GRIK4: variants seen among roughly 807,000 people sequenced by gnomAD.
The protein encoded by GRIK4 is glutamate receptor ionotropic, kainate 4.
GRIK4 carries 40 observed loss-of-function variants against 104.9 expected under a neutral mutation model. The observed-to-expected ratio is 0.38, with a 90% CI of 0.30 to 0.50. GRIK4 has a LOEUF of 0.50. Among genes scored for constraint, GRIK4 ranks in the 20% least tolerant of loss-of-function variants. The pLI is 0.93. For missense variants in GRIK4, 1,047 were observed against 1,308.1 expected, an observed-to-expected ratio of 0.80 and a Z score of 3.08; for synonymous variants, 485 against 524.9, an observed-to-expected ratio of 0.92 and a Z score of 1.04.
intron 3 of GRIK4, among the ~76,000 whole-genome samples, chr11:120,742,389 A>G (rs1053468695): frequency 1.3e-5 from 2 of 151,910 alleles, no homozygotes; most frequent in African/African-American, 4.8e-5. Flanking sequence ...GGACACTTCA[A>G]AAGAAGATAT....
At chr11:120,616,334 G>A (rs1023793224) in intron 1 of GRIK4, among the ~76,000 whole-genome samples, 24 of 152,310 alleles carry the variant, frequency 1.6e-4, no homozygotes, top group African/African-American at 5.3e-4. Flanking sequence ...TAAGAGATCC[G>A]CAGGTGCACC....
intron 1 of GRIK4, among the ~76,000 whole-genome samples, chr11:120,518,063 G>A (rs1947752454): frequency 6.6e-6 from 1 of 152,198 alleles, no homozygotes; most frequent in African/African-American, 2.4e-5. Context: ...CCAGCCTGGG[G>A]AGGCTGCTGA....
At chr11:120,611,012 CAGGAAACCA>C (rs1386458677) in intron 1 of GRIK4, among the ~76,000 whole-genome samples, 4 of 152,140 alleles carry the variant, frequency 2.6e-5, no homozygotes, top group African/African-American at 9.7e-5. Context: ...TCGTTTTCAA[CAGGAAACCA>C]AGGCCCAGTG....
intron 6 of GRIK4, among the ~76,000 whole-genome samples, chr11:120,822,063 T>C (rs1043465098): frequency 2.0e-5 from 3 of 151,698 alleles, no homozygotes; most frequent in African/African-American, 7.3e-5. Context: ...ATGTAAAAAT[T>C]AGACGGGTGT....
chr11:120,594,025 G>C (rs545382010), intron 1 of GRIK4, among the ~76,000 whole-genome samples: 5 of 152,304 alleles, frequency 3.3e-5, no homozygotes, highest in African/African-American at 7.2e-5. Flanking sequence ...TCTGACCTAA[G>C]ACAGTAGCCT....
intron 1 of GRIK4, chr11:120,620,122 T>A: frequency 1.3e-6 from 1 of 793,562 alleles, no homozygotes; most frequent in South Asian, 1.4e-5. Context: ...AAAATTGACC[T>A]GGGCCACTCA....
chr11:120,740,768 C>G (rs1280160743), intron 3 of GRIK4, among the ~76,000 whole-genome samples: 1 of 152,166 alleles, frequency 6.6e-6, no homozygotes, highest in Admixed American at 6.5e-5. Flanking sequence ...CCGTGAGTGC[C>G]TCAGTTAGTG....
intron 3 of GRIK4, among the ~76,000 whole-genome samples, chr11:120,707,394 A>G (rs1466574412): frequency 2.0e-5 from 3 of 152,182 alleles, no homozygotes; most frequent in African/African-American, 4.8e-5. Flanking sequence ...GGTAAAATCA[A>G]TTCTGAACTC....
chr11:120,792,605 T>A lies in GRIK4; in HGVS notation c.83-10088T>A, dbSNP rs553842951. 2.6e-5 allele frequency among the ~76,000 whole-genome samples: 4 copies of A among 152,126 alleles called. No individual in the cohort carries two copies. The South Asian group carries it at 8.3e-4, about 32-fold the overall frequency. On this transcript the variant is annotated intron_variant, in intron 3 of 20. Coordinates refer to ENST00000527524, the MANE Select transcript of GRIK4 (RefSeq NM_014619.5). ...TAAGACTGGAAAGAAGTGGACTGGTTTGAGAAATTTTGAGGAAGTACAACC... is the reference window on the plus strand; with the variant it reads ...TAAGACTGGAAAGAAGTGGACTGGTATGAGAAATTTTGAGGAAGTACAACC...
chr11:120,562,880 A>G (rs1948257405), intron 1 of GRIK4, among the ~76,000 whole-genome samples: 1 of 152,202 alleles, frequency 6.6e-6, no homozygotes, highest in South Asian at 2.1e-4. Flanking sequence ...GGGAGGAGCC[A>G]GGTCAGGGGA....
chr11:120,880,065 A>G (rs1954924440), intron 11 of GRIK4, among the ~76,000 whole-genome samples: 1 of 152,182 alleles, frequency 6.6e-6, no homozygotes, highest in Non-Finnish European at 1.5e-5. Flanking sequence ...TAAGCCTTTG[A>G]GGTTTGCTAT....
rs777086986 is a variant in GRIK4, at chr11:120,952,897, C to T, written c.1633C>T (p.Pro545Ser). 4 of 1,613,956 alleles carry T rather than the reference C, an allele frequency of 2.5e-6. No homozygotes were observed. Among genetic ancestry groups the T allele is most frequent in the Admixed American group, 1.7e-5 (1 of 60,004 alleles). The change falls in exon 15 of 21, where the codon CCG (proline) becomes TCG (serine). Residue 545 changes from proline (P) to serine (S), a missense_variant. Physicochemically the swap from Pro to Ser is moderately conservative, Grantham distance 74 (BLOSUM62 -1). Coordinates refer to ENST00000527524, the MANE Select transcript of GRIK4 (RefSeq NM_014619.5). The surrounding 1 kb of genome is among the most constrained non-coding windows in gnomAD (Gnocchi z 5.2). ...GYFSFLDPFS[P>S]GVWLFMLLAY... ...TTTCTCCTTCCTGGACCCATTTTCT[C>T]CGGGCGTCTGGCTCTTCATGCTTCT...
At chr11:120,677,235 G>A (rs1214210742) in intron 3 of GRIK4, among the ~76,000 whole-genome samples, 2 of 152,202 alleles carry the variant, frequency 1.3e-5, no homozygotes, top group African/African-American at 2.4e-5. Flanking sequence ...CACTAAAGGA[G>A]TAGCCTGAGA....
intron 3 of GRIK4, among the ~76,000 whole-genome samples, chr11:120,720,622 A>G (rs1950915132): frequency 6.6e-6 from 1 of 152,158 alleles, no homozygotes; most frequent in African/African-American, 2.4e-5. Context: ...GTAGTTGGAG[A>G]TCAGAGAAAT....
chr11:120,981,318 A>G (rs1944648358), intron 19 of GRIK4, among the ~76,000 whole-genome samples: 1 of 152,358 alleles, frequency 6.6e-6, no homozygotes, highest in South Asian at 2.1e-4. Flanking sequence ...ATGCTTTGCA[A>G]TGAGGACATG....
At chr11:120,904,007 C>T (rs1012314855) in intron 12 of GRIK4, among the ~76,000 whole-genome samples, 6 of 152,202 alleles carry the variant, frequency 3.9e-5, no homozygotes, top group Non-Finnish European at 7.3e-5. Context: ...GATTTTCAGC[C>T]TTCCTGGCTG....
chr11:120,922,256 C>CG (rs1943242251), intron 13 of GRIK4, among the ~76,000 whole-genome samples: 1 of 152,224 alleles, frequency 6.6e-6, no homozygotes, highest in Admixed American at 6.5e-5. Context: ...GGTCAACTAA[C>CG]TTGTTCAAGA....
chr11:120,976,886 T>G (rs1169404583), intron 19 of GRIK4, among the ~76,000 whole-genome samples: 16 of 152,028 alleles, frequency 1.1e-4, no homozygotes, highest in Non-Finnish European at 4.4e-5. Context: ...CAGTGGTTCG[T>G]GGAGATATGT....
chr11:120,545,903 T>G (rs1948081286), intron 1 of GRIK4, among the ~76,000 whole-genome samples: 1 of 152,326 alleles, frequency 6.6e-6, no homozygotes, highest in South Asian at 2.1e-4. Context: ...CTTTCCTGCA[T>G]GTTTTCAGAC....
Sources: allele counts gnomAD v4.1 joint callset (sites outside exome capture counted in the v4.1 genomes callset), GRCh38; gene constraint gnomAD v4.1.1; non-coding constraint Gnocchi (gnomAD v3.1); transcripts MANE v1.5; gene names NCBI Gene and HGNC (gene_info 2026-07-23, HGNC 2026-07-21).